The following BTG4 variants were observed in gnomAD, a reference collection of about 807,000 sequenced individuals.
BTG4 encodes the protein protein BTG4.
Under a neutral mutation model 19.3 loss-of-function variants are expected in BTG4, and 10 were observed. The ratio of observed to expected loss-of-function variants is 0.52; its 90% CI spans 0.32 to 0.88. The LOEUF (loss-of-function observed/expected upper bound fraction) is 0.88. BTG4 is among the 40% of genes least tolerant of loss of function. The probability of loss-of-function intolerance (pLI) is 0.04; values close to 1 mark genes in which losing one functional copy is unlikely to be tolerated. For missense variants in BTG4, 238 were observed against 281.9 expected, an observed-to-expected ratio of 0.84 and a Z score of 1.11; for synonymous variants, 91 against 95.7, an observed-to-expected ratio of 0.95 and a Z score of 0.29.
chr11:111,488,092 T>TA (rs952374629), intron 5 of BTG4, among the ~76,000 whole-genome samples: 5 of 151,008 alleles, frequency 3.3e-5, no homozygotes, highest in African/African-American at 4.9e-5. Context: ...TTCACAGAAA[T>TA]AAAAAAAAAT....
the BTG4 span, among the ~76,000 whole-genome samples, chr11:111,386,680 T>C: frequency 2.6e-5 from 4 of 152,212 alleles, no homozygotes; most frequent in African/African-American, 4.8e-5. Context: ...AGAAATACTA[T>C]GATATCAAAT....
chr11:111,492,402 G>A (rs1865473097), downstream of BTG4, among the ~76,000 whole-genome samples: 1 of 152,064 alleles, frequency 6.6e-6, no homozygotes, highest in Non-Finnish European at 1.5e-5. Context: ...CCACTAAATT[G>A]TACATGTAAA....
chr11:111,471,966 A>G (rs1164754669), intron 5 of BTG4, among the ~76,000 whole-genome samples: 4 of 152,170 alleles, frequency 2.6e-5, no homozygotes, highest in Non-Finnish European at 5.9e-5. Flanking sequence ...TTCTACTTTC[A>G]AAGCATATCT....
chr11:111,384,396 A>G, the BTG4 span, among the ~76,000 whole-genome samples: 1 of 152,198 alleles, frequency 6.6e-6, no homozygotes, highest in South Asian at 2.1e-4. Flanking sequence ...TGGATACGTT[A>G]TAATGAAACT....
At chr11:111,449,164 C>T in the BTG4 span, among the ~76,000 whole-genome samples, 1 of 152,092 alleles carries the variant, frequency 6.6e-6, no homozygotes, top group African/African-American at 2.4e-5. Context: ...GCTGGTCTCC[C>T]CCTGACTCCT....
the BTG4 span, among the ~76,000 whole-genome samples, chr11:111,443,799 G>C: frequency 0.47 from 71,884 of 152,038 alleles, 17,516 homozygotes; most frequent in South Asian, 0.58. Flanking sequence ...AACAAGTGTA[G>C]GGCAGCAATC....
intron 5 of BTG4, among the ~76,000 whole-genome samples, chr11:111,479,352 G>A (rs1325611688): frequency 6.6e-6 from 1 of 152,082 alleles, no homozygotes; most frequent in Non-Finnish European, 1.5e-5. Context: ...ACTCATGCCT[G>A]TAATCCCAAC....
the BTG4 span, chr11:111,449,756 C>A: frequency 6.6e-6 from 1 of 152,344 alleles, no homozygotes; most frequent in African/African-American, 2.4e-5. Context: ...GACCCAAGCC[C>A]TGGGGCTCTG....
chr11:111,389,397 T>C, the BTG4 span, among the ~76,000 whole-genome samples: 1 of 152,234 alleles, frequency 6.6e-6, no homozygotes, highest in African/African-American at 2.4e-5. Context: ...CTTCCAAAGA[T>C]AGAGCAGTCA....
upstream of BTG4, chr11:111,513,921 T>G (rs1867118832): frequency 6.3e-6 from 1 of 158,036 alleles, no homozygotes; most frequent in Non-Finnish European, 1.4e-5. Flanking sequence ...GTCCATTTCC[T>G]TTGCTAAATT....
the BTG4 span, among the ~76,000 whole-genome samples, chr11:111,392,958 C>T: frequency 7.9e-5 from 12 of 152,188 alleles, no homozygotes; most frequent in Admixed American, 3.3e-4. Context: ...CTTGCAATCA[C>T]GGATAGGCTT....
At chr11:111,400,681 T>C in the BTG4 span, among the ~76,000 whole-genome samples, 2 of 152,194 alleles carry the variant, frequency 1.3e-5, no homozygotes, top group Non-Finnish European at 1.5e-5. Context: ...AATGACTAGC[T>C]TCTAACAAAG....
chr11:111,443,023 C>CTCAGCCAGG, the BTG4 span, among the ~76,000 whole-genome samples: 1 of 152,160 alleles, frequency 6.6e-6, no homozygotes, highest in Non-Finnish European at 1.5e-5. Flanking sequence ...CCAACGCTAC[C>CTCAGCCAGG]TCAGCCAGGT....
At chr11:111,507,225 G>A (rs1230059685) in intron 1 of BTG4, among the ~76,000 whole-genome samples, 1 of 151,966 alleles carries the variant, frequency 6.6e-6, no homozygotes, top group Non-Finnish European at 1.5e-5. Flanking sequence ...TCTCCTTTTG[G>A]CTTAATAGAG....
At chr11:111,420,499 G>A in the BTG4 span, among the ~76,000 whole-genome samples, 92 of 152,354 alleles carry the variant, frequency 6.0e-4, no homozygotes, top group African/African-American at 2.1e-3. Flanking sequence ...TGCCTTAGCA[G>A]AGACTCTGGG....
At chr11:111,439,277 C>T in the BTG4 span, among the ~76,000 whole-genome samples, 1 of 152,232 alleles carries the variant, frequency 6.6e-6, no homozygotes, top group Non-Finnish European at 1.5e-5. Flanking sequence ...ACCCTTTCTC[C>T]CCCTCTGGAG....
Position 111,498,817 on chromosome 11 carries a change from G to A in BTG4, c.-26-15C>T. 2.6e-6 allele frequency: 4 copies of A among 1,510,888 alleles called. No homozygotes were observed. Among genetic ancestry groups the A allele is most frequent in the African/African-American group, 1.4e-5 (1 of 70,956 alleles). 93.6% of individuals were successfully genotyped at this position (1,510,888 alleles called of 1,614,324 possible). A position where few individuals can be genotyped will look rare whatever the true frequency, so the allele number is the denominator to read the frequency against. ...GATAAGGAGGTCTGAATCATTAAAA[G>A]GAAGCAAGAAGAAATAGAAAGAAAT... On this transcript the variant is annotated splice_polypyrimidine_tract_variant and intron_variant, in intron 1 of 4. Coordinates refer to ENST00000692032, the MANE Select transcript of BTG4 (RefSeq NM_001367975.1).
chr11:111,435,001 G>A, the BTG4 span: 1 of 152,412 alleles, frequency 6.6e-6, no homozygotes, highest in Non-Finnish European at 1.5e-5. Context: ...CCTGGCCCTG[G>A]GACTCTCCAG....
chr11:111,387,656 A>G, the BTG4 span, among the ~76,000 whole-genome samples: 1 of 152,204 alleles, frequency 6.6e-6, no homozygotes, highest in Non-Finnish European at 1.5e-5. Context: ...GCAAGTGTCC[A>G]TGCCCCATTT....
Sources: allele counts gnomAD v4.1 joint callset (sites outside exome capture counted in the v4.1 genomes callset), GRCh38; gene constraint gnomAD v4.1.1; transcripts MANE v1.5; gene names NCBI Gene and HGNC (gene_info 2026-07-23, HGNC 2026-07-21).